USP32: variants seen among roughly 807,000 people sequenced by gnomAD.
USP32 encodes the protein ubiquitin specific peptidase 32.
A neutral mutation model predicts 204.8 loss-of-function variants in USP32; 59 were observed. The observed-to-expected ratio is 0.29, with a 90% CI of 0.23 to 0.36. USP32 has a LOEUF of 0.36. USP32 is among the 10% of genes least tolerant of loss of function. The probability of loss-of-function intolerance (pLI) is 1.00; values close to 1 mark genes in which losing one functional copy is unlikely to be tolerated. For synonymous variants in USP32, 517 were observed against 678.4 expected (o/e 0.76, Z 3.70); for missense variants, 1,160 against 1,946.4 (o/e 0.60, Z 7.60).
At chr17:60,201,671 T>A (rs905265709) in intron 26 of USP32, among the ~76,000 whole-genome samples, 6 of 151,732 alleles carry the variant, frequency 4.0e-5, no homozygotes, top group African/African-American at 1.4e-4. Flanking sequence ...TTTTTTTTTT[T>A]TTTTTGAGAC....
At position 60,222,465 on chromosome 17, in the gene USP32, G is replaced by A; in HGVS notation, c.1693C>T (p.Pro565Ser). 1 of 1,614,096 alleles carries A rather than the reference G, an allele frequency of 6.2e-7. No homozygotes were observed. The highest frequency in any genetic ancestry group is 1.1e-5 in the South Asian group (1 of 91,078). ...HGRDYEMVPEPVWRALYHWYG... is the reference protein window; with the variant it reads ...HGRDYEMVPESVWRALYHWYG... ...CAGTGATAAAGTGCTCTCCACACAGGTTCTGGGACCATTTCATAGTCTCTT... is the reference window on the plus strand; with the variant it reads ...CAGTGATAAAGTGCTCTCCACACAGATTCTGGGACCATTTCATAGTCTCTT... Residue 565 changes from proline to serine, a missense_variant, in exon 15 of 34, where the codon CCT (proline) becomes TCT (serine). Transcript: ENST00000300896.
chr17:60,234,555 A>G (rs993767181), intron 12 of USP32, among the ~76,000 whole-genome samples: 3 of 151,400 alleles, frequency 2.0e-5, no homozygotes, highest in Non-Finnish European at 4.4e-5. Context: ...GTGAAGCCCC[A>G]TCTCTACTAA....
intron 1 of USP32, chr17:60,421,414 T>C: frequency 1.0e-6 from 1 of 985,552 alleles, no homozygotes; most frequent in South Asian, 4.7e-5. Flanking sequence ...AGGTGGCCGC[T>C]GGGTGGCAGG....
intron 1 of USP32, among the ~76,000 whole-genome samples, chr17:60,368,934 C>T (rs2146080323): frequency 6.9e-6 from 1 of 144,856 alleles, no homozygotes; most frequent in South Asian, 2.1e-4. Flanking sequence ...AAAATTAAAA[C>T]AAAACATATG....
intron 1 of USP32, among the ~76,000 whole-genome samples, chr17:60,409,347 C>G (rs1297561362): frequency 6.6e-6 from 1 of 152,154 alleles, no homozygotes; most frequent in African/African-American, 2.4e-5. Flanking sequence ...GACTCCGTCT[C>G]AAAAACAAAA....
rs753169758 is a variant in USP32 at position 60,183,332 on chromosome 17, A to G, written c.3956T>C (p.Leu1319Pro). The G allele has an allele frequency of 6.2e-7, 1 of 1,614,024 alleles. No individual in the cohort carries two copies. The highest frequency in any genetic ancestry group is 1.1e-5 in the South Asian group (1 of 91,084). The change falls in exon 31 of 34, where the codon CTC becomes CCC. Residue 1319 changes from leucine (L) to proline (P), a missense_variant. Leu to Pro is a moderately conservative substitution (Grantham distance 98). Transcript: ENST00000300896. The part of the protein sequence containing the change: ...SAFLVPRDPA[L>P]CQHKPLTPQG... ...GGGTGTGAGTGGTTTATGCTGGCAG[A>G]GAGCCGGGTCTCTTGGTACCAAAAA...
chr17:60,197,240 A>T (rs2145434402), intron 27 of USP32, among the ~76,000 whole-genome samples: 1 of 152,264 alleles, frequency 6.6e-6, no homozygotes, highest in East Asian at 1.9e-4. Flanking sequence ...ACCCCATATC[A>T]TAACAAATAA....
chr17:60,401,273 G>A (rs1001975797), intron 1 of USP32, among the ~76,000 whole-genome samples: 1 of 152,164 alleles, frequency 6.6e-6, no homozygotes, highest in South Asian at 2.1e-4. Context: ...AGGAGGCTGA[G>A]GCAGGAGAAT....
chr17:60,294,643 T>G (rs771339612), intron 4 of USP32, 40 bp downstream of exon 4: 1 of 1,356,224 alleles, frequency 7.4e-7, no homozygotes, highest in African/African-American at 1.4e-5. Context: ...GTTAATACTT[T>G]GTCAATGAAA....
chr17:60,255,529 A>T (rs988269445), intron 9 of USP32, among the ~76,000 whole-genome samples: 1 of 151,956 alleles, frequency 6.6e-6, no homozygotes, highest in African/African-American at 2.4e-5. Context: ...TGAACTCCTG[A>T]CCTCGTGATC....
intron 3 of USP32, 93 bp downstream of exon 3, chr17:60,301,506 A>G (rs1364274289): frequency 2.8e-6 from 2 of 716,110 alleles, no homozygotes; most frequent in East Asian, 6.6e-5. Flanking sequence ...CTTTGGGAAA[A>G]TGTCAATTCA....
intron 1 of USP32, among the ~76,000 whole-genome samples, chr17:60,360,855 G>A (rs965746546): frequency 6.6e-6 from 1 of 151,884 alleles, no homozygotes; most frequent in African/African-American, 2.4e-5. Flanking sequence ...TAGGCCGGGC[G>A]CGGTGGCTCA....
intron 1 of USP32, among the ~76,000 whole-genome samples, chr17:60,349,684 TA>T (rs1567867593): frequency 7.8e-6 from 1 of 128,438 alleles, no homozygotes; most frequent in Non-Finnish European, 1.6e-5. Context: ...TATACACACA[TA>T]TATATATATA....
At chr17:60,351,440 C>CTT (rs57834785) in intron 1 of USP32, among the ~76,000 whole-genome samples, 10 of 147,150 alleles carry the variant, frequency 6.8e-5, no homozygotes, top group African/African-American at 2.0e-4. Flanking sequence ...TGCCAGGCTT[C>CTT]TTTTTTTTTT....
chr17:60,413,861 C>CAAAAAAAAAAAAAAA (rs1307789444), intron 1 of USP32, among the ~76,000 whole-genome samples: 2 of 31,718 alleles, frequency 6.3e-5, no homozygotes, highest in African/African-American at 2.3e-4. Context: ...GATTCTGTCT[C>CAAAAAAAAAAAAAAA]AAAAAAAAAA....
At chr17:60,386,463 T>A (rs2089733323) in intron 1 of USP32, among the ~76,000 whole-genome samples, 1 of 152,064 alleles carries the variant, frequency 6.6e-6, no homozygotes, top group Non-Finnish European at 1.5e-5. Flanking sequence ...CAAAAACAGA[T>A]TTTTCTCTAG....
intron 5 of USP32, among the ~76,000 whole-genome samples, chr17:60,278,367 T>C (rs139948167): frequency 1.3e-5 from 2 of 151,928 alleles, no homozygotes; most frequent in East Asian, 1.9e-4. Context: ...GTGTGGAAAG[T>C]ACAATGAAAA....
intron 29 of USP32, among the ~76,000 whole-genome samples, chr17:60,189,477 T>C (rs868829138): frequency 6.6e-5 from 10 of 152,382 alleles, no homozygotes; most frequent in African/African-American, 1.9e-4. Flanking sequence ...CAATTCCTCA[T>C]GTGACTTAAG....
rs1016945776 is a variant in USP32 at position 60,383,604 on chromosome 17, G to A, written c.58+8278C>T. ...TACCACTTCATATGAGGTGATAAAG[G>A]AAGGCGTCCTTGAGGCCATCTGAGC... On this transcript the variant is annotated intron_variant, in intron 1 of 33. Coordinates refer to ENST00000300896, the MANE Select transcript of USP32 (RefSeq NM_032582.4). Among the ~76,000 whole-genome samples the A allele has an allele frequency of 6.6e-5, 10 of 152,320 alleles. No individual in the cohort carries two copies. The South Asian group carries it at 8.3e-4, about 13-fold the overall frequency.
Sources: gnomAD v4.1 joint callset for allele counts (sites outside exome capture counted in the v4.1 genomes callset) on GRCh38, gnomAD v4.1.1 for gene constraint, MANE v1.5 for transcripts, NCBI Gene and HGNC (gene_info 2026-07-23, HGNC 2026-07-21) for gene names.